SUCLG2: variants seen among roughly 807,000 people sequenced by gnomAD.
SUCLG2 encodes the protein succinate-CoA ligase GDP-forming subunit beta, also known as succinate--CoA ligase [GDP-forming] subunit beta, mitochondrial.
SUCLG2 carries 42 observed loss-of-function variants against 47.9 expected under a neutral mutation model. The observed-to-expected ratio is 0.88, with a 90% CI of 0.69 to 1.14. The LOEUF is 1.14. Ranked by LOEUF, SUCLG2 falls within the 50% of genes most tolerant of loss-of-function variation. SUCLG2 has a pLI of 0.00. For missense variants in SUCLG2, 571 were observed against 525.9 expected (o/e 1.09, Z -0.84); for synonymous variants, 195 against 197.3 (o/e 0.99, Z 0.10).
chr3:67,628,516 T>A (rs1340131058), intron 1 of SUCLG2, among the ~76,000 whole-genome samples: 1 of 152,126 alleles, frequency 6.6e-6, no homozygotes, highest in East Asian at 1.9e-4. Flanking sequence ...TTTTGGTGAG[T>A]GGACATGGAA....
At chr3:67,475,051 AATGC>A (rs1424611902) in intron 9 of SUCLG2, among the ~76,000 whole-genome samples, 2 of 152,166 alleles carry the variant, frequency 1.3e-5, no homozygotes, top group African/African-American at 4.8e-5. Flanking sequence ...AATGAATAAA[AATGC>A]AAGCATTGTA....
chr3:67,605,143 A>T (rs890424597), intron 2 of SUCLG2, among the ~76,000 whole-genome samples: 6 of 152,186 alleles, frequency 3.9e-5, no homozygotes, highest in Non-Finnish European at 5.9e-5. Flanking sequence ...ATTTTCTCCC[A>T]TGATGGTATC....
intron 9 of SUCLG2, among the ~76,000 whole-genome samples, chr3:67,451,449 T>G (rs1704054613): frequency 6.6e-6 from 1 of 151,828 alleles, no homozygotes; most frequent in Non-Finnish European, 1.5e-5. Context: ...CAGAAAAGAG[T>G]GACAAAACAA....
chr3:67,412,198 C>T (rs1163258801), intron 9 of SUCLG2, among the ~76,000 whole-genome samples: 2 of 152,172 alleles, frequency 1.3e-5, no homozygotes. Context: ...TTAGAAACTA[C>T]ATTGGCAGAG....
intron 7 of SUCLG2, among the ~76,000 whole-genome samples, chr3:67,500,328 T>G (rs1469509060): frequency 2.6e-5 from 4 of 152,232 alleles, no homozygotes; most frequent in Admixed American, 2.6e-4. Flanking sequence ...CAAATCTGTG[T>G]AGACCAGCAT....
intron 6 of SUCLG2, among the ~76,000 whole-genome samples, chr3:67,515,440 T>G (rs1349614259): frequency 6.6e-6 from 1 of 152,194 alleles, no homozygotes; most frequent in African/African-American, 2.4e-5. Context: ...CACTGGTAAT[T>G]TTTATGTAAA....
At chr3:67,365,315 G>A (rs1329382146) in intron 10 of SUCLG2, among the ~76,000 whole-genome samples, 3 of 152,166 alleles carry the variant, frequency 2.0e-5, no homozygotes, top group Admixed American at 6.5e-5. Flanking sequence ...CGAAACTCAC[G>A]ATTTTCAAGA....
intron 9 of SUCLG2, among the ~76,000 whole-genome samples, chr3:67,488,188 C>T (rs1225702168): frequency 6.6e-6 from 1 of 150,960 alleles, no homozygotes; most frequent in Non-Finnish European, 1.5e-5. Context: ...TTTGTTTGTC[C>T]TTATTTTAAT....
chr3:67,567,646 T>C (rs770552357), intron 2 of SUCLG2, among the ~76,000 whole-genome samples: 3 of 152,196 alleles, frequency 2.0e-5, no homozygotes, highest in Non-Finnish European at 4.4e-5. Context: ...AACCACTATA[T>C]TCAAGTCCTT....
chr3:67,495,748 G>T, intron 9 of SUCLG2, 50 bp downstream of exon 9: 1 of 1,606,872 alleles, frequency 6.2e-7, no homozygotes. Flanking sequence ...AGCTCTTGAC[G>T]GTGAGAAATT....
At chr3:67,611,409 T>G (rs1296689865) in intron 1 of SUCLG2, among the ~76,000 whole-genome samples, 1 of 152,220 alleles carries the variant, frequency 6.6e-6, no homozygotes, top group African/African-American at 2.4e-5. Context: ...GATGAAACAT[T>G]AGTAATTTGA....
At chr3:67,456,592 G>C (rs1439676518) in intron 9 of SUCLG2, among the ~76,000 whole-genome samples, 1 of 152,160 alleles carries the variant, frequency 6.6e-6, no homozygotes, top group African/African-American at 2.4e-5. Flanking sequence ...GTAATTTCAG[G>C]CTTCATTAGA....
At chr3:67,651,414 T>C (rs538278823) in intron 1 of SUCLG2, among the ~76,000 whole-genome samples, 70 of 152,338 alleles carry the variant, frequency 4.6e-4, no homozygotes, top group Middle Eastern at 3.4e-3. Context: ...ACTCTTCCCC[T>C]TAGTCTCACC....
chr3:67,611,747 G>T (rs949750007), intron 1 of SUCLG2, among the ~76,000 whole-genome samples: 2 of 152,132 alleles, frequency 1.3e-5, no homozygotes, highest in Non-Finnish European at 2.9e-5. Flanking sequence ...CAGAACACTC[G>T]CCATATTAAT....
intron 9 of SUCLG2, among the ~76,000 whole-genome samples, chr3:67,452,434 T>A (rs1032548497): frequency 6.6e-6 from 1 of 152,240 alleles, no homozygotes; most frequent in African/African-American, 2.4e-5. Context: ...ATTGATTTTA[T>A]GTGAATGAGT....
intron 9 of SUCLG2, among the ~76,000 whole-genome samples, chr3:67,481,904 C>T (rs905046181): frequency 7.2e-5 from 11 of 152,304 alleles, no homozygotes; most frequent in East Asian, 1.9e-4. Context: ...GTTGGCAGGG[C>T]GTGGTGGCTC....
At chr3:67,502,333 A>G (rs1422673997) in intron 7 of SUCLG2, among the ~76,000 whole-genome samples, 2 of 152,200 alleles carry the variant, frequency 1.3e-5, no homozygotes, top group African/African-American at 4.8e-5. Context: ...CTATCTTACT[A>G]TCTACAATGT....
intron 9 of SUCLG2, among the ~76,000 whole-genome samples, chr3:67,431,073 A>G (rs1472676619): frequency 6.6e-6 from 1 of 152,206 alleles, no homozygotes; most frequent in Non-Finnish European, 1.5e-5. Context: ...ATCAATAGAA[A>G]AGGAGGGAAT....
chr3:67,511,057 T>G (rs1559552912), intron 6 of SUCLG2, among the ~76,000 whole-genome samples: 1 of 151,892 alleles, frequency 6.6e-6, no homozygotes, highest in Non-Finnish European at 1.5e-5. Flanking sequence ...CCTGGCTAAT[T>G]TTTTATATTT....
Sources: gnomAD v4.1 joint callset for allele counts (sites outside exome capture counted in the v4.1 genomes callset) on GRCh38, gnomAD v4.1.1 for gene constraint, MANE v1.5 for transcripts, NCBI Gene and HGNC (gene_info 2026-07-23, HGNC 2026-07-21) for gene names.